The following KCNIP4 variants were observed in gnomAD, a reference collection of about 807,000 sequenced individuals.
The protein encoded by KCNIP4 is Kv channel-interacting protein 4.
Under a neutral mutation model 34.0 loss-of-function variants are expected in KCNIP4, and 12 were observed. That is an observed-to-expected ratio of 0.35 (90% CI 0.23 to 0.57). KCNIP4 has a LOEUF of 0.57. KCNIP4 is among the 20% of genes least tolerant of loss of function. The probability of loss-of-function intolerance (pLI) is 0.83; values close to 1 mark genes in which losing one functional copy is unlikely to be tolerated. For missense variants in KCNIP4, 238 were observed against 311.7 expected (o/e 0.76, Z 1.78); for synonymous variants, 124 against 102.2 (o/e 1.21, Z -1.29).
rs185918775 is a variant in KCNIP4, at chr4:21,440,381, C to T, written c.61+508190G>A. Among the ~76,000 whole-genome samples the T allele has an allele frequency of 5.2e-3, 789 of 152,324 alleles. 6 individuals are homozygous for T. Among genetic ancestry groups the T allele is most frequent in the Non-Finnish European group, 9.6e-3 (654 of 68,026 alleles). On this transcript the variant is annotated intron_variant, in intron 1 of 8. Coordinates refer to ENST00000382152, the MANE Select transcript of KCNIP4 (RefSeq NM_025221.6). ...AAACCATTTCAGGAAGTATCAAAAG[C>T]TATCAATTGTCATCTAATTGGAAGA...
At chr4:21,768,897 C>A (rs1393245806) in intron 1 of KCNIP4, among the ~76,000 whole-genome samples, 1 of 152,006 alleles carries the variant, frequency 6.6e-6, no homozygotes, top group East Asian at 1.9e-4. Context: ...GGATACATTA[C>A]ATGTAATCAT....
At chr4:21,697,500 A>G in intron 1 of KCNIP4, 1 of 1,505,398 alleles carries the variant, frequency 6.6e-7, no homozygotes, top group South Asian at 1.4e-5. Context: ...AATAATAATA[A>G]TAATAAAAAG....
At chr4:20,759,643 TAAAA>T (rs5856577) in intron 3 of KCNIP4, among the ~76,000 whole-genome samples, 1 of 151,426 alleles carries the variant, frequency 6.6e-6, no homozygotes, top group Admixed American at 6.6e-5. Context: ...TTTTTGCTAA[TAAAA>T]AAAAGAAAAA....
intron 1 of KCNIP4, among the ~76,000 whole-genome samples, chr4:21,519,983 C>T (rs28685062): frequency 0.32 from 48,494 of 151,234 alleles, 8,137 homozygotes; most frequent in South Asian, 0.46. Context: ...GGAAAGCCAG[C>T]CCAAGTCCCA....
intron 1 of KCNIP4, among the ~76,000 whole-genome samples, chr4:21,085,758 C>A (rs1470013931): frequency 2.6e-5 from 4 of 152,102 alleles, no homozygotes; most frequent in South Asian, 4.1e-4. Context: ...GGAGGAAAGC[C>A]AATATAAATG....
chr4:21,641,836 C>G (rs1368977395), intron 1 of KCNIP4, among the ~76,000 whole-genome samples: 1 of 152,152 alleles, frequency 6.6e-6, no homozygotes, highest in Non-Finnish European at 1.5e-5. Context: ...CTCTCCAAGG[C>G]TGACCTACTT....
intron 1 of KCNIP4, among the ~76,000 whole-genome samples, chr4:21,890,428 T>C (rs984672686): frequency 6.6e-6 from 1 of 152,192 alleles, no homozygotes; most frequent in African/African-American, 2.4e-5. Flanking sequence ...ATGTTCTTCA[T>C]AGAAATAACA....
At chr4:21,078,954 T>A (rs917132654) in intron 1 of KCNIP4, among the ~76,000 whole-genome samples, 2 of 152,098 alleles carry the variant, frequency 1.3e-5, no homozygotes, top group African/African-American at 4.8e-5. Context: ...TTTCACTCCA[T>A]GCTTTACATC....
In KCNIP4 at chr4:21,833,825, C is replaced by A. The variant is rs1191333995; in HGVS notation, c.61+114746G>T. Among the ~76,000 whole-genome samples the A allele has an allele frequency of 3.9e-5, 6 of 152,258 alleles. No homozygotes were observed. The East Asian group carries it at 9.7e-4, about 25-fold the overall frequency. On this transcript the variant is annotated intron_variant, in intron 1 of 8. Coordinates refer to ENST00000382152, the MANE Select transcript of KCNIP4 (RefSeq NM_025221.6). ...TCCTACATATGGCTAGCCAGTTTTC[C>A]CAGCACCATTTATTAAATAGGGAAT...
rs1228859684 is a variant in KCNIP4, at chr4:21,367,756, C to T, written c.62-485047G>A. Among the ~76,000 whole-genome samples the T allele has an allele frequency of 1.4e-4, 20 of 147,364 alleles. 4 individuals carry two copies. Among genetic ancestry groups the T allele is most frequent in the African/African-American group, 5.4e-4 (20 of 37,044 alleles). On this transcript the variant is annotated intron_variant, in intron 1 of 8. Transcript: ENST00000382152. ...CCTGTTAAAAGAAGACACATCACTA[C>T]ATTTTACCTGTCAGGGATTTTTTTT...
At chr4:21,817,984 G>C (rs917604781) in intron 1 of KCNIP4, among the ~76,000 whole-genome samples, 5 of 152,042 alleles carry the variant, frequency 3.3e-5, no homozygotes, top group Non-Finnish European at 5.9e-5. Flanking sequence ...GTTAGACCCT[G>C]ATTAGTAGTT....
At chr4:21,790,035 T>G (rs540378570) in intron 1 of KCNIP4, among the ~76,000 whole-genome samples, 1 of 152,172 alleles carries the variant, frequency 6.6e-6, no homozygotes, top group Non-Finnish European at 1.5e-5. Context: ...GAAACTGCCA[T>G]GAAAAGCTGC....
chr4:21,008,391 C>T (rs1241265905), intron 1 of KCNIP4, among the ~76,000 whole-genome samples: 1 of 152,172 alleles, frequency 6.6e-6, no homozygotes, highest in Non-Finnish European at 1.5e-5. Flanking sequence ...AATTAGGCTA[C>T]TATGTTTGCC....
rs543274515 is a variant in KCNIP4, at chr4:21,233,033, A to G, written c.62-350324T>C. Reference sequence around the variant, plus strand: ...GAACATCAGAGACAAGAAGCATTCCAGTGAGAGGGACAATATGTGCAATAA... The same window carrying G: ...GAACATCAGAGACAAGAAGCATTCCGGTGAGAGGGACAATATGTGCAATAA... On this transcript the variant is annotated intron_variant, in intron 1 of 8. Transcript: ENST00000382152. Among the ~76,000 whole-genome samples the G allele has an allele frequency of 2.0e-5, 3 of 152,308 alleles. No homozygotes were observed. In the East Asian group the frequency reaches 5.8e-4, roughly 29 times the overall value.
chr4:21,203,958 A>C lies in KCNIP4; in HGVS notation c.62-321249T>G, dbSNP rs142201143. ...CCCTTCTCCGTCCCAGAATGGCTCC[A>C]GGTACAGGAAAACACCTACTAGTGT... is the stretch of plus-strand genomic sequence containing the variant. On this transcript the variant is annotated intron_variant, in intron 1 of 8. Coordinates refer to ENST00000382152, the MANE Select transcript of KCNIP4 (RefSeq NM_025221.6). Among the ~76,000 whole-genome samples, 168 of 152,286 alleles carry C rather than the reference A, an allele frequency of 1.1e-3. 2 individuals are homozygous for C. The highest frequency in any genetic ancestry group is 6.2e-3 in the East Asian group (32 of 5,162).
chr4:20,903,283 C>A (rs905015776), intron 1 of KCNIP4, among the ~76,000 whole-genome samples: 7 of 152,260 alleles, frequency 4.6e-5, no homozygotes, highest in Non-Finnish European at 8.8e-5. Flanking sequence ...AACCCTATGT[C>A]TTTCTGTAGA....
At chr4:21,093,161 T>C (rs1486998946) in intron 1 of KCNIP4, among the ~76,000 whole-genome samples, 3 of 152,188 alleles carry the variant, frequency 2.0e-5, no homozygotes, top group Admixed American at 1.3e-4. Flanking sequence ...GGCAACATTG[T>C]TTAGAAGAAC....
At chr4:21,735,467 A>G (rs1230385999) in intron 1 of KCNIP4, among the ~76,000 whole-genome samples, 3 of 152,178 alleles carry the variant, frequency 2.0e-5, no homozygotes, top group Admixed American at 2.0e-4. Flanking sequence ...TTGCATCTAT[A>G]TGATGGAAAT....
At chr4:20,763,897 AAATT>A (rs1755165693) in intron 3 of KCNIP4, among the ~76,000 whole-genome samples, 4 of 152,158 alleles carry the variant, frequency 2.6e-5, no homozygotes, top group Admixed American at 6.5e-5. Context: ...TTAGCAGTAT[AAATT>A]GTCTCCATTT....
Sources: allele counts gnomAD v4.1 joint callset (sites outside exome capture counted in the v4.1 genomes callset), GRCh38; gene constraint gnomAD v4.1.1; transcripts MANE v1.5; gene names NCBI Gene and HGNC (gene_info 2026-07-23, HGNC 2026-07-21).